The following PDIA6 variants were observed in gnomAD, a reference collection of about 807,000 sequenced individuals.
PDIA6 encodes protein disulfide isomerase family A member 6.
In PDIA6, 29 loss-of-function variants were observed where a neutral mutation model predicts 58.4. That is an observed-to-expected ratio of 0.50 (90% CI 0.37 to 0.68). The LOEUF is 0.68. PDIA6 is among the 30% of genes least tolerant of loss of function. The probability of loss-of-function intolerance (pLI) is 0.00; values close to 1 mark genes in which losing one functional copy is unlikely to be tolerated. For missense variants in PDIA6, 480 were observed against 551.0 expected (o/e 0.87, Z 1.29); for synonymous variants, 192 against 202.6 (o/e 0.95, Z 0.44).
At chr2:10,833,469 A>T (rs766331391), upstream of PDIA6, among the ~76,000 whole-genome samples, 5 of 152,194 alleles carry the variant, frequency 3.3e-5, no homozygotes, top group African/African-American at 1.2e-4. Context: ...ACAGTGGGGT[A>T]ATAAGCCTCA....
chr2:10,794,650 C>T (rs1055328777), intron 4 of PDIA6, among the ~76,000 whole-genome samples: 3 of 150,650 alleles, frequency 2.0e-5, no homozygotes, highest in Non-Finnish European at 4.4e-5. Context: ...AAATATAGGC[C>T]GGGTGCGGTG....
chr2:10,821,168 T>C, intron 1 of PDIA6: 2 of 283,708 alleles, frequency 7.0e-6, no homozygotes, highest in Non-Finnish European at 6.8e-6. Flanking sequence ...CCTCCTTCCT[T>C]CCCCCTCTCT....
Position 10,812,646 on chromosome 2 carries a change from T to C in PDIA6, c.19+32A>G, listed in dbSNP as rs1203390519. On this transcript the variant is annotated intron_variant, in intron 1 of 12. Coordinates refer to ENST00000272227, the MANE Select transcript of PDIA6 (RefSeq NM_005742.4). ...CGAAACCTTTCAGGCCGACCCCAGCTCGCCCGCCTCCCTCCGCTGGCCCGC... is the reference window on the plus strand; with the variant it reads ...CGAAACCTTTCAGGCCGACCCCAGCCCGCCCGCCTCCCTCCGCTGGCCCGC... 6 of 1,512,810 alleles carry C rather than the reference T, an allele frequency of 4.0e-6. No homozygotes were observed. In the Admixed American group the frequency reaches 8.2e-5, roughly 21 times the overall value. 93.7% of individuals were successfully genotyped at this position (1,512,810 alleles called of 1,614,324 possible). A position where few individuals can be genotyped will look rare whatever the true frequency, so the allele number is the denominator to read the frequency against.
rs1665947764 is a variant in PDIA6, at chr2:10,789,784, A to G, written c.805T>C (p.Phe269Leu). 1 of 1,613,950 alleles carries G rather than the reference A, an allele frequency of 6.2e-7. No individual in the cohort carries two copies. The highest frequency in any genetic ancestry group is 8.5e-7 in the Non-Finnish European group (1 of 1,179,900). ...TCAGGAGGTGGGGCGTTATCAGAAA[A>G]CAAATCAAGGGCCCGGGACACGATG... ...SDIVSRALDL[F>L]SDNAPPPELL... Residue 269 changes from phenylalanine (F) to leucine (L), a missense_variant, in exon 8 of 13, where the codon TTT (phenylalanine) becomes CTT (leucine). Phe to Leu is a conservative substitution (Grantham distance 22). Coordinates refer to ENST00000272227, the MANE Select transcript of PDIA6 (RefSeq NM_005742.4).
chr2:10,806,002 T>G (rs1666716879), intron 1 of PDIA6, among the ~76,000 whole-genome samples: 1 of 86,644 alleles, frequency 1.2e-5, no homozygotes, highest in Non-Finnish European at 2.6e-5. Flanking sequence ...ATGGCACATG[T>G]ACCCTAAAAC....
intron 12 of PDIA6, chr2:10,784,567 G>A (rs58613453): frequency 0.11 from 59,131 of 519,862 alleles, 4,656 homozygotes; most frequent in African/African-American, 0.29. Context: ...CCACTTGAAC[G>A]TGTCCTTTTG....
chr2:10,794,117 A>C (rs1441839165), intron 4 of PDIA6, among the ~76,000 whole-genome samples: 1 of 152,124 alleles, frequency 6.6e-6, no homozygotes, highest in African/African-American at 2.4e-5. Context: ...CTTCAGTTTA[A>C]AGGCAAAACT....
chr2:10,792,830 A>G (rs1051978620), intron 5 of PDIA6, among the ~76,000 whole-genome samples: 1 of 152,160 alleles, frequency 6.6e-6, no homozygotes, highest in Non-Finnish European at 1.5e-5. Context: ...GGATGCCAGC[A>G]CGTGGCTCCT....
At chr2:10,833,095 T>C (rs2148585294), upstream of PDIA6, among the ~76,000 whole-genome samples, 1 of 152,132 alleles carries the variant, frequency 6.6e-6, no homozygotes, top group Admixed American at 6.5e-5. Context: ...GGCAGAGCAG[T>C]CAGAAAGCAT....
At chr2:10,828,862 C>T (rs375588698) in intron 1 of PDIA6, among the ~76,000 whole-genome samples, 25 of 152,324 alleles carry the variant, frequency 1.6e-4, no homozygotes, top group East Asian at 1.4e-3. Flanking sequence ...AGGGGCACTC[C>T]GGAAGCCTGG....
At chr2:10,825,377 C>T (rs1478692219) in intron 1 of PDIA6, among the ~76,000 whole-genome samples, 1 of 152,120 alleles carries the variant, frequency 6.6e-6, no homozygotes, top group Non-Finnish European at 1.5e-5. Context: ...AATTCTTTTT[C>T]CACAAAGCAG....
chr2:10,825,997 A>T (rs546262033), intron 1 of PDIA6, among the ~76,000 whole-genome samples: 1 of 152,234 alleles, frequency 6.6e-6, no homozygotes, highest in Non-Finnish European at 1.5e-5. Context: ...AATGAAACAC[A>T]TGTCCACACA....
intron 1 of PDIA6, chr2:10,820,894 A>G (rs1558461724): frequency 1.4e-6 from 1 of 702,606 alleles, no homozygotes; most frequent in Admixed American, 2.0e-5. Flanking sequence ...TCTCCTCTGG[A>G]AGCTGTGCTC....
rs1667048849 is a variant in PDIA6, at chr2:10,812,581, C to A, written c.19+97G>T. 4.7e-6 allele frequency: 6 copies of A among 1,272,668 alleles called. No individual in the cohort carries two copies. In the South Asian group the frequency reaches 4.9e-5, roughly 10 times the overall value. 78.8% of individuals were successfully genotyped at this position (1,272,668 alleles called of 1,614,324 possible). On this transcript the variant is annotated intron_variant, in intron 1 of 12. Coordinates refer to ENST00000272227, the MANE Select transcript of PDIA6 (RefSeq NM_005742.4). ...CCCGCCCGCCAGGCCCACTTCCGGC[C>A]GCCTGCGGCCGCGGCCCGCCGGGGA...
intron 1 of PDIA6, chr2:10,821,447 C>T (rs182081870): frequency 6.6e-6 from 1 of 152,582 alleles, no homozygotes; most frequent in African/African-American, 2.4e-5. Flanking sequence ...CCGATTTACC[C>T]AGGAGGCCTC....
chr2:10,819,798 C>T (rs1667327725), intron 1 of PDIA6, among the ~76,000 whole-genome samples: 1 of 152,212 alleles, frequency 6.6e-6, no homozygotes, highest in African/African-American at 2.4e-5. Context: ...TTAAATCTTA[C>T]CTACAACTTT....
intron 1 of PDIA6, among the ~76,000 whole-genome samples, chr2:10,820,521 C>T (rs1016595161): frequency 3.3e-5 from 5 of 152,204 alleles, no homozygotes; most frequent in African/African-American, 9.7e-5. Context: ...TAGATGTCAT[C>T]GTTGGCATTC....
At chr2:10,803,488 CT>C (rs557990694) in intron 1 of PDIA6, among the ~76,000 whole-genome samples, 185 of 140,346 alleles carry the variant, frequency 1.3e-3, no homozygotes, top group African/African-American at 4.5e-3. Context: ...TTTTATTTCT[CT>C]TAATACTATC....
intron 1 of PDIA6, among the ~76,000 whole-genome samples, chr2:10,807,468 G>A (rs1666811982): frequency 6.6e-6 from 1 of 152,286 alleles, no homozygotes; most frequent in African/African-American, 2.4e-5. Flanking sequence ...GGGATTACAG[G>A]TATGAGTGAC....
Sources: allele counts gnomAD v4.1 joint callset (sites outside exome capture counted in the v4.1 genomes callset), GRCh38; gene constraint gnomAD v4.1.1; transcripts MANE v1.5; gene names NCBI Gene and HGNC (gene_info 2026-07-23, HGNC 2026-07-21).